Variants in HS6ST3 observed in about 807,000 individuals in gnomAD.
The protein encoded by HS6ST3 is heparan sulfate 6-O-sulfotransferase 3.
A neutral mutation model predicts 36.7 loss-of-function variants in HS6ST3; 12 were observed. The ratio of observed to expected loss-of-function variants is 0.33; its 90% CI spans 0.21 to 0.53. The LOEUF is 0.53. Among genes scored for constraint, HS6ST3 ranks in the 20% least tolerant of loss-of-function variants. The pLI, the probability that HS6ST3 is intolerant of heterozygous loss-of-function variation, is 0.95. For missense variants in HS6ST3, 584 were observed against 640.9 expected (o/e 0.91, Z 0.96); for synonymous variants, 240 against 257.5 (o/e 0.93, Z 0.65).
intron 1 of HS6ST3, among the ~76,000 whole-genome samples, chr13:96,117,362 A>G (rs1263673754): frequency 6.6e-6 from 1 of 152,234 alleles, no homozygotes; most frequent in Non-Finnish European, 1.5e-5. Flanking sequence ...AATAAGTATC[A>G]CAAAGGGAAA....
rs946154865 is a variant in HS6ST3 at position 96,833,182 on chromosome 13, A to T, written c.1400A>T (p.Gln467Leu). 1.3e-5 allele frequency: 21 copies of T among 1,566,144 alleles called. No individual in the cohort carries two copies. The highest frequency in any genetic ancestry group is 1.8e-5 in the Non-Finnish European group (21 of 1,163,896). ...EGTVTEDYNS[Q>L]VVRW ...ACTGTCACCGAGGACTACAACAGCC[A>T]GGTGGTGAGATGGTGACCTCCTGCC... The change falls in exon 2 of 2, where the codon CAG becomes CTG. Residue 467 changes from glutamine (Q) to leucine (L), a missense_variant. Transcript: ENST00000376705.
At chr13:96,378,335 A>G (rs2055324495) in intron 1 of HS6ST3, among the ~76,000 whole-genome samples, 1 of 152,180 alleles carries the variant, frequency 6.6e-6, no homozygotes, top group African/African-American at 2.4e-5. Context: ...TTACTGCAGT[A>G]GTTTCTGACT....
intron 1 of HS6ST3, among the ~76,000 whole-genome samples, chr13:96,786,583 G>C (rs887346185): frequency 3.3e-5 from 5 of 152,012 alleles, no homozygotes; most frequent in Non-Finnish European, 7.4e-5. Context: ...AAATTATAAG[G>C]ATCTCCTATT....
At chr13:96,559,142 A>C (rs1256278311) in intron 1 of HS6ST3, among the ~76,000 whole-genome samples, 1 of 151,536 alleles carries the variant, frequency 6.6e-6, no homozygotes, top group Non-Finnish European at 1.5e-5. Context: ...ATTGAGACAG[A>C]GTCTCATTCT....
chr13:96,521,137 T>C (rs1278446640), intron 1 of HS6ST3, among the ~76,000 whole-genome samples: 3 of 152,244 alleles, frequency 2.0e-5, no homozygotes, highest in Non-Finnish European at 4.4e-5. Context: ...GTTCTGTTTA[T>C]GTGATGAATT....
intron 1 of HS6ST3, among the ~76,000 whole-genome samples, chr13:96,124,838 G>T (rs936855284): frequency 1.3e-5 from 2 of 152,098 alleles, no homozygotes; most frequent in Admixed American, 1.3e-4. Context: ...TAAGCAATAC[G>T]ACTTATTAGA....
intron 1 of HS6ST3, among the ~76,000 whole-genome samples, chr13:96,293,223 G>GT: frequency 6.6e-6 from 1 of 152,074 alleles, no homozygotes; most frequent in African/African-American, 2.4e-5. Context: ...TCTACTAATA[G>GT]TTTTTGAAGG....
intron 1 of HS6ST3, among the ~76,000 whole-genome samples, chr13:96,813,596 T>C (rs1878364076): frequency 6.6e-6 from 1 of 152,216 alleles, no homozygotes; most frequent in African/African-American, 2.4e-5. Flanking sequence ...TTTACTTCCC[T>C]TGACAACCCC....
chr13:96,768,840 G>T (rs1877187281), intron 1 of HS6ST3, among the ~76,000 whole-genome samples: 1 of 151,884 alleles, frequency 6.6e-6, no homozygotes, highest in African/African-American at 2.4e-5. Flanking sequence ...CTTGAGTCAA[G>T]AAAAACTCTA....
intron 1 of HS6ST3, among the ~76,000 whole-genome samples, chr13:96,118,682 ATATATATTTTT>A (rs2053909308): frequency 4.5e-5 from 1 of 22,230 alleles, no homozygotes; most frequent in African/African-American, 2.0e-4. Flanking sequence ...ATATATATAT[ATATATATTTTT>A]TTTTTTTTTT....
At chr13:96,164,644 C>T (rs2054152579) in intron 1 of HS6ST3, among the ~76,000 whole-genome samples, 2 of 152,058 alleles carry the variant, frequency 1.3e-5, no homozygotes, top group South Asian at 2.1e-4. Context: ...TCCTCTTCAC[C>T]TATCTGAAGT....
intron 1 of HS6ST3, among the ~76,000 whole-genome samples, chr13:96,291,167 C>T (rs528098472): frequency 6.6e-6 from 1 of 152,062 alleles, no homozygotes; most frequent in Non-Finnish European, 1.5e-5. Context: ...TTTTTTCTAT[C>T]TTCTGTCTCT....
At chr13:96,652,823 G>A (rs1231789966) in intron 1 of HS6ST3, among the ~76,000 whole-genome samples, 3 of 152,018 alleles carry the variant, frequency 2.0e-5, no homozygotes, top group Admixed American at 1.3e-4. Context: ...ACTTAAAAAG[G>A]TGGTGCTGGG....
intron 1 of HS6ST3, among the ~76,000 whole-genome samples, chr13:96,138,666 T>C (rs746913723): frequency 5.9e-5 from 9 of 152,076 alleles, no homozygotes; most frequent in Non-Finnish European, 1.3e-4. Context: ...TTTCTGCCAA[T>C]ATGTATTAGT....
intron 1 of HS6ST3, among the ~76,000 whole-genome samples, chr13:96,310,041 A>T (rs2054932502): frequency 6.6e-6 from 1 of 152,174 alleles, no homozygotes; most frequent in African/African-American, 2.4e-5. Flanking sequence ...GATTATTCCT[A>T]GGTGAGTCTT....
intron 1 of HS6ST3, among the ~76,000 whole-genome samples, chr13:96,451,526 C>A (rs2055728280): frequency 6.6e-6 from 1 of 152,190 alleles, no homozygotes; most frequent in African/African-American, 2.4e-5. Context: ...TTTGAATTCT[C>A]TGCTCAAGCC....
intron 1 of HS6ST3, among the ~76,000 whole-genome samples, chr13:96,609,451 A>G (rs1360455322): frequency 6.6e-6 from 1 of 152,162 alleles, no homozygotes; most frequent in African/African-American, 2.4e-5. Context: ...CAGGCTATGG[A>G]TGTCTTTGGA....
intron 1 of HS6ST3, among the ~76,000 whole-genome samples, chr13:96,245,729 A>G (rs2054581975): frequency 4.6e-5 from 7 of 152,188 alleles, no homozygotes; most frequent in Admixed American, 4.6e-4. Context: ...GTAGGAATGG[A>G]AAACAGGCTA....
chr13:96,601,734 G>A (rs946795982), intron 1 of HS6ST3, among the ~76,000 whole-genome samples: 1 of 152,044 alleles, frequency 6.6e-6, no homozygotes, highest in Non-Finnish European at 1.5e-5. Context: ...CATTTTGGTA[G>A]ACTATTTATT....
Sources: gnomAD v4.1 joint callset for allele counts (sites outside exome capture counted in the v4.1 genomes callset) on GRCh38, gnomAD v4.1.1 for gene constraint, MANE v1.5 for transcripts, NCBI Gene and HGNC (gene_info 2026-07-23, HGNC 2026-07-21) for gene names.